IL5: variants seen among roughly 807,000 people sequenced by gnomAD.
IL5 encodes interleukin-5.
IL5 carries 12 observed loss-of-function variants against 16.3 expected under a neutral mutation model. The ratio of observed to expected loss-of-function variants is 0.74; its 90% CI spans 0.47 to 1.20. The LOEUF (loss-of-function observed/expected upper bound fraction) is 1.20. IL5 is among the 50% of genes most tolerant of loss of function. The probability of loss-of-function intolerance (pLI) is 0.00; values close to 1 mark genes in which losing one functional copy is unlikely to be tolerated. For missense variants in IL5, 159 were observed against 153.9 expected (o/e 1.03, Z -0.17); for synonymous variants, 54 against 56.6 (o/e 0.95, Z 0.21).
At chr5:132,547,158 A>T (rs564250410), upstream of IL5, among the ~76,000 whole-genome samples, 1 of 152,358 alleles carries the variant, frequency 6.6e-6, no homozygotes, top group African/African-American at 2.4e-5. Context: ...ACCCCCTTTC[A>T]TTAAGAGTGG....
intron 1 of IL5, 39 bp downstream of exon 1, chr5:132,543,296 A>G: frequency 7.7e-6 from 12 of 1,565,600 alleles, no homozygotes; most frequent in Non-Finnish European, 9.7e-6. Context: ...ATGATTACCT[A>G]TGCACTTTAC....
chr5:132,549,043 T>C (rs1326922292), intron 1 of IL5, among the ~76,000 whole-genome samples: 1 of 152,108 alleles, frequency 6.6e-6, no homozygotes, highest in Non-Finnish European at 1.5e-5. Flanking sequence ...TACTATACTG[T>C]GGAAACTCAA....
intron 1 of IL5, among the ~76,000 whole-genome samples, chr5:132,555,140 G>A (rs1303546979): frequency 6.6e-6 from 1 of 152,156 alleles, no homozygotes; most frequent in Non-Finnish European, 1.5e-5. Flanking sequence ...CAGCTCGGGT[G>A]GTAATGTTCA....
chr5:132,553,590 A>G (rs759282532), intron 1 of IL5, among the ~76,000 whole-genome samples: 1 of 151,648 alleles, frequency 6.6e-6, no homozygotes, highest in Non-Finnish European at 1.5e-5. Context: ...TAAAGTGTAG[A>G]TTTGCTTTTT....
At chr5:132,550,635 C>T (rs566985329) in intron 1 of IL5, among the ~76,000 whole-genome samples, 48 of 151,796 alleles carry the variant, frequency 3.2e-4, no homozygotes, top group Admixed American at 9.9e-4. Flanking sequence ...AAAAATAACT[C>T]TTATATTTTC....
At chr5:132,546,203 C>T (rs1749784173), upstream of IL5, among the ~76,000 whole-genome samples, 1 of 152,064 alleles carries the variant, frequency 6.6e-6, no homozygotes, top group African/African-American at 2.4e-5. Flanking sequence ...TTTAAGTGTA[C>T]AGCTCAGTAG....
chr5:132,544,220 A>G (rs1749748554), upstream of IL5, among the ~76,000 whole-genome samples: 1 of 152,124 alleles, frequency 6.6e-6, no homozygotes, highest in African/African-American at 2.4e-5. Flanking sequence ...AGACTCCTGG[A>G]TCTATATGTA....
upstream of IL5, among the ~76,000 whole-genome samples, chr5:132,544,700 C>T (rs1030128050): frequency 6.6e-6 from 1 of 152,120 alleles, no homozygotes; most frequent in Non-Finnish European, 1.5e-5. Context: ...GTGTATGTGG[C>T]TCATTGTTTT....
At chr5:132,551,567 T>C (rs1055610342) in intron 1 of IL5, among the ~76,000 whole-genome samples, 5 of 152,044 alleles carry the variant, frequency 3.3e-5, no homozygotes, top group African/African-American at 4.8e-5. Context: ...CATGCATGTG[T>C]GTGTGTTCTG....
chr5:132,549,039 A>C (rs559555903), intron 1 of IL5, among the ~76,000 whole-genome samples: 1 of 152,212 alleles, frequency 6.6e-6, no homozygotes, highest in African/African-American at 2.4e-5. Flanking sequence ...GGATTACTAT[A>C]CTGTGGAAAC....
intron 1 of IL5, among the ~76,000 whole-genome samples, chr5:132,550,613 C>T (rs937354054): frequency 5.8e-5 from 3 of 51,920 alleles, no homozygotes; most frequent in East Asian, 7.1e-4. Context: ...TGAGCCAATG[C>T]GCCTGGCCAG....
At chr5:132,542,208 C>G in intron 2 of IL5, 65 bp from the exon 3 acceptor site, 1 of 1,198,556 alleles carries the variant, frequency 8.3e-7, no homozygotes, top group Non-Finnish European at 1.2e-6. Context: ...GGTCCATTGT[C>G]CATTCTGCAA....
chr5:132,553,810 C>A (rs868005958), intron 1 of IL5, among the ~76,000 whole-genome samples: 72 of 151,954 alleles, frequency 4.7e-4, no homozygotes, highest in Middle Eastern at 3.4e-3. Flanking sequence ...TGGCGGGCGC[C>A]TGTAGTCCCA....
chr5:132,556,629 G>A, intron 1 of IL5: 1 of 1,143,574 alleles, frequency 8.7e-7, no homozygotes, highest in Non-Finnish European at 1.1e-6. Context: ...GAACGTTAGA[G>A]AGAGAATGAG....
chr5:132,552,567 G>GT (rs933241460), intron 1 of IL5, among the ~76,000 whole-genome samples: 2 of 151,772 alleles, frequency 1.3e-5, no homozygotes, highest in Non-Finnish European at 1.5e-5. Flanking sequence ...ATGGAACCTG[G>GT]TTACCTTGGC....
chr5:132,542,260 T>C (rs1322871065), intron 2 of IL5, 117 bp from the exon 3 acceptor site: 5 of 477,292 alleles, frequency 1.0e-5, no homozygotes, highest in Non-Finnish European at 1.8e-5. Context: ...ACAATAAATA[T>C]ATATACTTTT....
upstream of IL5, among the ~76,000 whole-genome samples, chr5:132,547,940 G>A (rs565993658): frequency 3.3e-5 from 5 of 152,096 alleles, no homozygotes; most frequent in East Asian, 7.7e-4. Context: ...TTGGTGGCTG[G>A]CGCCTGTAAT....
In IL5 at chr5:132,552,751, T is replaced by A. The variant is rs1210398930; in HGVS notation, c.42+3923A>T. Reference sequence around the variant, plus strand: ...GAAATTAACAAGAATTATTATTATTTTTGAGATAGAGTCCTGCTCTGTCAC... The same window carrying A: ...GAAATTAACAAGAATTATTATTATTATTGAGATAGAGTCCTGCTCTGTCAC... On this transcript the variant is annotated intron_variant, in intron 1 of 2. Transcript: ENST00000450655. 2.0e-5 allele frequency among the ~76,000 whole-genome samples: 3 copies of A among 152,188 alleles called. No individual in the cohort carries two copies. In the East Asian group the frequency reaches 5.8e-4, roughly 29 times the overall value.
upstream of IL5, among the ~76,000 whole-genome samples, chr5:132,544,074 A>G (rs532554043): frequency 6.6e-6 from 1 of 152,320 alleles, no homozygotes; most frequent in East Asian, 1.9e-4. Flanking sequence ...GTTGTTGAAG[A>G]TAAAGAGGGA....
Sources: gnomAD v4.1 joint callset for allele counts (sites outside exome capture counted in the v4.1 genomes callset) on GRCh38, gnomAD v4.1.1 for gene constraint, MANE v1.5 for transcripts, NCBI Gene and HGNC (gene_info 2026-07-23, HGNC 2026-07-21) for gene names.